CDH12: variants seen among roughly 807,000 people sequenced by gnomAD.
CDH12 encodes the protein cadherin-12.
A neutral mutation model predicts 74.1 loss-of-function variants in CDH12; 41 were observed. The ratio of observed to expected loss-of-function variants is 0.55; its 90% CI spans 0.43 to 0.72. The LOEUF is 0.72. CDH12 is among the 30% of genes least tolerant of loss of function. The pLI is 0.00. For missense variants in CDH12, 945 were observed against 977.2 expected (o/e 0.97, Z 0.44); for synonymous variants, 399 against 355.0 (o/e 1.12, Z -1.39).
chr5:22,429,195 G>A (rs999919382), intron 2 of CDH12, among the ~76,000 whole-genome samples: 2 of 151,646 alleles, frequency 1.3e-5, no homozygotes, highest in Middle Eastern at 3.4e-3. Flanking sequence ...ACAGTGGTGC[G>A]ATCATGACTC....
chr5:22,837,871 C>T (rs1020841427), intron 1 of CDH12, among the ~76,000 whole-genome samples: 2 of 152,140 alleles, frequency 1.3e-5, no homozygotes, highest in Non-Finnish European at 2.9e-5. Context: ...AAGAAGTGTG[C>T]TTGGAAGCCA....
intron 11 of CDH12, among the ~76,000 whole-genome samples, chr5:21,778,489 A>G (rs1322937679): frequency 6.7e-6 from 1 of 150,006 alleles, no homozygotes; most frequent in African/African-American, 2.4e-5. Context: ...AAAAAAAAAA[A>G]AACTTCAGAC....
At chr5:21,941,575 A>G (rs1755329926) in intron 6 of CDH12, among the ~76,000 whole-genome samples, 1 of 151,798 alleles carries the variant, frequency 6.6e-6, no homozygotes, top group African/African-American at 2.4e-5. Flanking sequence ...AAGCTTAAAT[A>G]AGTAATTGTG....
At chr5:22,535,434 G>A (rs1480287125) in intron 1 of CDH12, among the ~76,000 whole-genome samples, 1 of 152,088 alleles carries the variant, frequency 6.6e-6, no homozygotes, top group Non-Finnish European at 1.5e-5. Flanking sequence ...GGGATTACAG[G>A]CGTGAGCCAA....
At chr5:21,993,075 G>C (rs1421193871) in intron 5 of CDH12, among the ~76,000 whole-genome samples, 3 of 152,002 alleles carry the variant, frequency 2.0e-5, no homozygotes, top group African/African-American at 7.2e-5. Context: ...CTGCCCTCAG[G>C]ATCTAATCAC....
chr5:22,051,035 CT>C (rs2150194120), intron 5 of CDH12, among the ~76,000 whole-genome samples: 1 of 152,240 alleles, frequency 6.6e-6, no homozygotes, highest in East Asian at 1.9e-4. Flanking sequence ...ATTAAGGAAT[CT>C]GAAAGTCTGC....
At chr5:22,023,123 T>C (rs1021207230) in intron 5 of CDH12, among the ~76,000 whole-genome samples, 2 of 152,170 alleles carry the variant, frequency 1.3e-5, no homozygotes, top group African/African-American at 4.8e-5. Flanking sequence ...CACTCTTGAC[T>C]TCTGTGATTC....
intron 3 of CDH12, among the ~76,000 whole-genome samples, chr5:22,288,709 G>T (rs1239329438): frequency 6.6e-6 from 1 of 152,110 alleles, no homozygotes; most frequent in East Asian, 1.9e-4. Flanking sequence ...GGACCAAATT[G>T]TCTACATTGC....
intron 3 of CDH12, among the ~76,000 whole-genome samples, chr5:22,324,310 T>C (rs1441914351): frequency 1.3e-5 from 2 of 152,230 alleles, no homozygotes; most frequent in Admixed American, 6.5e-5. Flanking sequence ...TCAGCACATA[T>C]ATTTATGTAT....
At chr5:22,276,315 GA>G (rs1319739318) in intron 3 of CDH12, among the ~76,000 whole-genome samples, 1 of 152,050 alleles carries the variant, frequency 6.6e-6, no homozygotes, top group Non-Finnish European at 1.5e-5. Flanking sequence ...TCTTTAATCT[GA>G]ATATGAATCA....
intron 10 of CDH12, among the ~76,000 whole-genome samples, chr5:21,791,746 G>A (rs1055465939): frequency 1.3e-5 from 2 of 151,516 alleles, no homozygotes; most frequent in East Asian, 1.9e-4. Context: ...CCTAGTCTGC[G>A]CAGGCCATTT....
intron 8 of CDH12, among the ~76,000 whole-genome samples, chr5:21,824,815 A>C: frequency 6.6e-6 from 1 of 152,140 alleles, no homozygotes; most frequent in Middle Eastern, 3.4e-3. Context: ...CTCTGCACAT[A>C]ATTTTCCCTC....
chr5:22,190,861 C>T (rs1750233779), intron 4 of CDH12, among the ~76,000 whole-genome samples: 3 of 152,214 alleles, frequency 2.0e-5, no homozygotes, highest in Admixed American at 2.0e-4. Context: ...CTACACACTC[C>T]CACAACTGGC....
At chr5:21,876,637 T>A (rs1422019967) in intron 6 of CDH12, among the ~76,000 whole-genome samples, 1 of 152,218 alleles carries the variant, frequency 6.6e-6, no homozygotes, top group Non-Finnish European at 1.5e-5. Context: ...TAGGTTATAG[T>A]GTTATAATAT....
Position 22,074,217 on chromosome 5 carries a change from A to G in CDH12, c.231+4229T>C, listed in dbSNP as rs140131241. On this transcript the variant is annotated intron_variant, in intron 5 of 14. Transcript: ENST00000382254. ...GAGAAAAACAAGAAATGGGGGAAGG[A>G]TTCCCTATTTAATAAATGGTGCTGG... is the stretch of plus-strand genomic sequence containing the variant. Among the ~76,000 whole-genome samples, 1,372 of 152,294 alleles carry G rather than the reference A, an allele frequency of 9.0e-3. 23 individuals carry two copies. The highest frequency in any genetic ancestry group is 0.031 in the African/African-American group (1,303 of 41,556).
intron 1 of CDH12, among the ~76,000 whole-genome samples, chr5:22,699,547 C>T (rs371436149): frequency 6.6e-6 from 1 of 152,048 alleles, no homozygotes; most frequent in Non-Finnish European, 1.5e-5. Context: ...TAAGCAGTGC[C>T]TTATGGAAGC....
intron 5 of CDH12, among the ~76,000 whole-genome samples, chr5:21,993,748 T>C (rs1280611113): frequency 6.6e-6 from 1 of 151,958 alleles, no homozygotes; most frequent in Admixed American, 6.6e-5. Flanking sequence ...AGCAAAGAAC[T>C]CATTCACACT....
chr5:22,493,565 T>A (rs566227389), intron 2 of CDH12, among the ~76,000 whole-genome samples: 1 of 46,322 alleles, frequency 2.2e-5, no homozygotes, highest in Admixed American at 3.6e-4. Context: ...TTTTTTTGGT[T>A]TTTTTTGAAA....
At chr5:21,795,899 C>A (rs1224696869) in intron 10 of CDH12, among the ~76,000 whole-genome samples, 1 of 151,922 alleles carries the variant, frequency 6.6e-6, no homozygotes, top group Non-Finnish European at 1.5e-5. Flanking sequence ...AAATCAATTC[C>A]AATTGATTAC....
Sources: allele counts gnomAD v4.1 joint callset (sites outside exome capture counted in the v4.1 genomes callset), GRCh38; gene constraint gnomAD v4.1.1; transcripts MANE v1.5; gene names NCBI Gene and HGNC (gene_info 2026-07-23, HGNC 2026-07-21).